The following FBN2 variants were observed in gnomAD, a reference collection of about 807,000 sequenced individuals.
FBN2 encodes the protein fibrillin 2, also known as fibrillin-2.
In FBN2, 105 loss-of-function variants were observed where a neutral mutation model predicts 355.6. The ratio of observed to expected loss-of-function variants is 0.30; its 90% CI spans 0.25 to 0.35. FBN2 has a LOEUF of 0.35. Ranked by LOEUF, FBN2 falls within the 10% of genes least tolerant of loss-of-function variation. The pLI is 1.00. For synonymous variants in FBN2, 1,350 were observed against 1,301.2 expected (o/e 1.04, Z -0.81); for missense variants, 3,280 against 3,758.7 (o/e 0.87, Z 3.33).
intron 34 of FBN2, among the ~76,000 whole-genome samples, chr5:128,323,187 A>G (rs896618023): frequency 3.3e-5 from 5 of 152,198 alleles, no homozygotes; most frequent in African/African-American, 1.2e-4. Flanking sequence ...TAAATATACA[A>G]TCATGTCATC....
chr5:128,325,389 T>G (rs1273044127), intron 34 of FBN2, among the ~76,000 whole-genome samples: 1 of 152,254 alleles, frequency 6.6e-6, no homozygotes, highest in African/African-American at 2.4e-5. Context: ...TTGATCTCTG[T>G]TGGCTTAAAG....
chr5:128,331,964 C>A (rs1750705010), intron 32 of FBN2, among the ~76,000 whole-genome samples: 1 of 152,090 alleles, frequency 6.6e-6, no homozygotes, highest in Non-Finnish European at 1.5e-5. Flanking sequence ...ATGATAGTAA[C>A]CCTGGAAAGA....
At chr5:128,309,892 C>G (rs1326299172) in intron 40 of FBN2, 91 bp downstream of exon 40, 1 of 1,420,756 alleles carries the variant, frequency 7.0e-7, no homozygotes, top group African/African-American at 1.4e-5. Context: ...GACTGAACTT[C>G]CAAACTTCCA....
chr5:128,454,495 T>C (rs555120295), intron 6 of FBN2, among the ~76,000 whole-genome samples: 2 of 152,358 alleles, frequency 1.3e-5, no homozygotes, highest in African/African-American at 2.4e-5. Flanking sequence ...TAATTTATTC[T>C]AATCAAATAA....
chr5:128,513,507 A>C (rs983886535), intron 5 of FBN2, among the ~76,000 whole-genome samples: 6 of 152,234 alleles, frequency 3.9e-5, no homozygotes, highest in Non-Finnish European at 8.8e-5. Context: ...TAGGTAGATA[A>C]ACCAAAATCA....
At chr5:128,397,468 C>T (rs1169776423) in intron 8 of FBN2, among the ~76,000 whole-genome samples, 2 of 152,112 alleles carry the variant, frequency 1.3e-5, no homozygotes, top group Admixed American at 6.5e-5. Flanking sequence ...AAACCATAGC[C>T]TTGAGTCAAG....
intron 59 of FBN2, among the ~76,000 whole-genome samples, chr5:128,275,640 A>G (rs943211591): frequency 3.3e-5 from 5 of 152,160 alleles, no homozygotes; most frequent in Admixed American, 1.3e-4. Flanking sequence ...TACCTAAGCA[A>G]AAAATTTAAA....
At chr5:128,263,355 G>GT (rs1765025494) in intron 63 of FBN2, 70 bp downstream of exon 63, 1 of 1,168,284 alleles carries the variant, frequency 8.6e-7, no homozygotes, top group African/African-American at 1.5e-5. Context: ...CTTCCCTGCA[G>GT]TGGGGGGTGG....
At position 128,333,006 on chromosome 5, in the gene FBN2, A is replaced by C; in HGVS notation, c.4128T>G (p.His1376Gln). ...TDVDECEIGA[H>Q]NCDMHASCLN... ...GACATGAGGCATGCATGTCGCAGTT[A>C]TGAGCACCAATTTCACACTCATCCA... The change falls in exon 32 of 65, where the codon CAT becomes CAG. Residue 1376 changes from histidine to glutamine, a missense_variant. This residue lies in a region of FBN2 where 2,284 missense variants were observed against 2,749.5 expected (regional missense o/e 0.83). Transcript: ENST00000262464. 6.2e-7 allele frequency: 1 copy of C among 1,613,186 alleles called. No homozygotes were observed. The highest frequency in any genetic ancestry group is 1.1e-5 in the South Asian group (1 of 91,054).
At position 128,263,534 on chromosome 5, in the gene FBN2, C is replaced by G. The variant is rs775607402; in HGVS notation, c.8083G>C (p.Asp2695His). The G allele has an allele frequency of 6.2e-7, 1 of 1,614,048 alleles. No homozygotes were observed. Among genetic ancestry groups the G allele is most frequent in the Non-Finnish European group, 8.5e-7 (1 of 1,179,998 alleles). ...SFDQFSSACH[D>H]VNECSSSKNP... ...TTGGAGGACGAGCACTCATTCACGT[C>G]GTGGCAGGCACTGGAGAACTGGTCG... The change falls in exon 63 of 65, where the codon GAC becomes CAC. Residue 2695 changes from aspartate to histidine, a missense_variant. By Grantham distance (81) the Asp-to-His change is moderately conservative. Transcript: ENST00000262464.
At chr5:128,463,221 T>C (rs1189652631) in intron 6 of FBN2, among the ~76,000 whole-genome samples, 2 of 152,054 alleles carry the variant, frequency 1.3e-5, no homozygotes, top group African/African-American at 4.8e-5. Flanking sequence ...TAAAGACAGA[T>C]ACAATATAAT....
At chr5:128,324,767 G>C (rs370047178) in intron 34 of FBN2, among the ~76,000 whole-genome samples, 2 of 152,024 alleles carry the variant, frequency 1.3e-5, no homozygotes, top group South Asian at 4.2e-4. Context: ...ACAGGTGCCC[G>C]GCATCATGCC....
chr5:128,447,911 C>T (rs777257119), intron 6 of FBN2, among the ~76,000 whole-genome samples: 40 of 152,270 alleles, frequency 2.6e-4, no homozygotes, highest in Non-Finnish European at 5.0e-4. Flanking sequence ...TTATTGGGGG[C>T]GGGTTCCCCC....
intron 7 of FBN2, among the ~76,000 whole-genome samples, chr5:128,419,289 C>T (rs190559773): frequency 3.9e-5 from 6 of 152,108 alleles, no homozygotes; most frequent in East Asian, 3.9e-4. Flanking sequence ...TTTTCCAGTC[C>T]GGGTAACTTT....
chr5:128,267,879 A>G (rs901551499), intron 62 of FBN2, among the ~76,000 whole-genome samples: 2 of 152,232 alleles, frequency 1.3e-5, no homozygotes, highest in Non-Finnish European at 2.9e-5. Flanking sequence ...ACACAGCTAA[A>G]GCACTGTTTA....
chr5:128,278,877 A>G, intron 56 of FBN2, 36 bp from the exon 57 acceptor site: 3 of 1,537,456 alleles, frequency 2.0e-6, no homozygotes, highest in Non-Finnish European at 2.7e-6. Flanking sequence ...AAGGATGCGG[A>G]ACTGACATTT....
At chr5:128,404,902 T>A (rs911504940) in intron 8 of FBN2, among the ~76,000 whole-genome samples, 1 of 152,234 alleles carries the variant, frequency 6.6e-6, no homozygotes, top group Admixed American at 6.5e-5. Flanking sequence ...CCAGAGGTCA[T>A]GGCTCATGCC....
intron 19 of FBN2, among the ~76,000 whole-genome samples, chr5:128,358,712 A>G (rs1207446633): frequency 6.6e-6 from 1 of 152,092 alleles, no homozygotes; most frequent in Non-Finnish European, 1.5e-5. Context: ...TAAAAACACA[A>G]TGTAAAAAAG....
chr5:128,345,980 C>T (rs1365775209), intron 23 of FBN2, among the ~76,000 whole-genome samples: 1 of 152,134 alleles, frequency 6.6e-6, no homozygotes, highest in Non-Finnish European at 1.5e-5. Flanking sequence ...AGTAAATGAT[C>T]GGCTATAATC....
Sources: gnomAD v4.1 joint callset for allele counts (sites outside exome capture counted in the v4.1 genomes callset) on GRCh38, gnomAD v4.1.1 for gene constraint, gnomAD v4.1.1 regional missense constraint, MANE v1.5 for transcripts, NCBI Gene and HGNC (gene_info 2026-07-23, HGNC 2026-07-21) for gene names.